The following PCCB variants were observed in gnomAD, a reference collection of about 807,000 sequenced individuals.
The protein encoded by PCCB is propionyl-CoA carboxylase subunit beta.
A neutral mutation model predicts 60.7 loss-of-function variants in PCCB; 43 were observed. The observed-to-expected ratio is 0.71, with a 90% CI of 0.55 to 0.91. PCCB has a LOEUF of 0.91. Ranked by LOEUF, PCCB falls within the 40% of genes least tolerant of loss-of-function variation. The probability of loss-of-function intolerance (pLI) is 0.00; values close to 1 mark genes in which losing one functional copy is unlikely to be tolerated. For missense variants in PCCB, 766 were observed against 702.8 expected, an observed-to-expected ratio of 1.09 and a Z score of -1.02; for synonymous variants, 276 against 255.9, an observed-to-expected ratio of 1.08 and a Z score of -0.75.
At chr3:136,301,161 G>C (rs764504017) in intron 9 of PCCB, 50 bp downstream of exon 9, 23 of 1,439,818 alleles carry the variant, frequency 1.6e-5, no homozygotes, top group Non-Finnish European at 2.2e-5. Context: ...CCACATTCAT[G>C]GGCATTGTGC....
At chr3:136,268,122 G>A (rs560080595) in intron 5 of PCCB, among the ~76,000 whole-genome samples, 1,735 of 73,726 alleles carry the variant, frequency 0.024, 29 homozygotes, top group African/African-American at 0.08. Context: ...ATATATATAT[G>A]TATATATATA....
In PCCB at chr3:136,283,888, C is replaced by T. The variant is rs371155999; in HGVS notation, c.595C>T (p.Pro199Ser). The change falls in exon 6 of 15, where the codon CCA (proline) becomes TCA (serine). Residue 199 changes from proline to serine, a missense_variant. Coordinates refer to ENST00000251654, the MANE Select transcript of PCCB (RefSeq NM_000532.5). ...CCCTCAGATTTCTCTGATCATGGGC[C>T]CATGTGCTGGTGGGGCCGTCTACTC... ...VIPQISLIMGPCAGGAVYSPA... is the reference protein window; with the variant it reads ...VIPQISLIMGSCAGGAVYSPA... The T allele has an allele frequency of 4.9e-4, 786 of 1,613,926 alleles. 8 individuals carry two copies. In the South Asian group the frequency reaches 7.4e-3, roughly 15 times the overall value.
rs117861403 is a variant in PCCB, at chr3:136,276,764, C to T, written c.544-7073C>T. ...GGACCCTTCATGAGCAGCAAAGCTG[C>T]CTGATTGTTGGGGTAGAGCTGCAGA... On this transcript the variant is annotated intron_variant, in intron 5 of 14. Coordinates refer to ENST00000251654, the MANE Select transcript of PCCB (RefSeq NM_000532.5). Among the ~76,000 whole-genome samples, 255 of 152,274 alleles carry T rather than the reference C, an allele frequency of 1.7e-3. 1 individual carries two copies. The East Asian group carries it at 0.018, about 11-fold the overall frequency.
chr3:136,291,400 A>G (rs1411963649), intron 6 of PCCB, among the ~76,000 whole-genome samples: 1 of 152,128 alleles, frequency 6.6e-6, no homozygotes, highest in African/African-American at 2.4e-5. Context: ...GTGTCTTATG[A>G]CTTATTCCTG....
chr3:136,267,633 T>C (rs1326622638), intron 5 of PCCB, among the ~76,000 whole-genome samples: 1 of 152,108 alleles, frequency 6.6e-6, no homozygotes, highest in Admixed American at 6.5e-5. Context: ...CACAGGCACA[T>C]GCTACCACAT....
intron 5 of PCCB, among the ~76,000 whole-genome samples, chr3:136,268,087 GAT>G (rs61160895): frequency 0.26 from 24,757 of 93,558 alleles, 3,735 homozygotes; most frequent in East Asian, 0.62. Context: ...TGTGTGTGTA[GAT>G]ATATATATAT....
At position 136,321,199 on chromosome 3, in the gene PCCB, T is replaced by G. The variant is rs535014745; in HGVS notation, c.1090+4135T>G. Among the ~76,000 whole-genome samples the G allele has an allele frequency of 5.3e-5, 8 of 152,286 alleles. No homozygotes were observed. The East Asian group carries it at 1.5e-3, about 29-fold the overall frequency. On this transcript the variant is annotated intron_variant, in intron 10 of 14. Transcript: ENST00000251654. ...ACAGTGTATAACCTCTTTAAAAAAA[T>G]AGACTTACAGAACAGTTACAGGTTT...
At position 136,298,007 on chromosome 3, in the gene PCCB, T is replaced by G; in HGVS notation, c.819T>G (p.Asp273Glu). Residue 273 changes from aspartate to glutamate, a missense_variant, in exon 8 of 15, where the codon GAT becomes GAG. Transcript: ENST00000251654. ...TTGATGCCTTGTGTAATCTCCGGGA[T>G]TTCTTCAACTACCTGCCCCTGAGCA... ...NDVDALCNLRDFFNYLPLSSQ... is the reference protein window; with the variant it reads ...NDVDALCNLREFFNYLPLSSQ... 10 of 1,614,078 alleles carry G rather than the reference T, an allele frequency of 6.2e-6. No homozygotes were observed. Among genetic ancestry groups the G allele is most frequent in the Non-Finnish European group, 6.8e-6 (8 of 1,179,950 alleles).
intron 6 of PCCB, among the ~76,000 whole-genome samples, chr3:136,285,357 C>T (rs1453640082): frequency 6.6e-6 from 1 of 152,122 alleles, no homozygotes; most frequent in African/African-American, 2.4e-5. Context: ...TTTCTCCTTT[C>T]TCTTTAGTAT....
intron 6 of PCCB, among the ~76,000 whole-genome samples, chr3:136,286,132 C>A (rs1450293387): frequency 6.6e-6 from 1 of 152,164 alleles, no homozygotes; most frequent in Non-Finnish European, 1.5e-5. Context: ...AGGGACATTA[C>A]AGAATTGATA....
chr3:136,327,764 C>G (rs1248150193), intron 13 of PCCB, 32 bp downstream of exon 13: 2 of 1,523,638 alleles, frequency 1.3e-6, no homozygotes, highest in South Asian at 1.1e-5. Flanking sequence ...CTTTCTGGGT[C>G]CAAGGACTCG....
At position 136,277,609 on chromosome 3, in the gene PCCB, G is replaced by T. The variant is rs528627052; in HGVS notation, c.544-6228G>T. On this transcript the variant is annotated intron_variant, in intron 5 of 14. Transcript: ENST00000251654. ...AAAGCCGTGGCTCCTATGAGGGTTG[G>T]GGGGGCGGTTCTCAGGTCATTAGGG... Among the ~76,000 whole-genome samples, 8 of 152,050 alleles carry T rather than the reference G, an allele frequency of 5.3e-5. 1 individual carries two copies. The South Asian group carries it at 1.0e-3, about 20-fold the overall frequency.
chr3:136,294,818 G>A (rs1576335622), intron 7 of PCCB, among the ~76,000 whole-genome samples: 1 of 151,048 alleles, frequency 6.6e-6, no homozygotes, highest in East Asian at 2.0e-4. Context: ...TGGTCTCACT[G>A]TGTTGTCCAG....
chr3:136,257,982 G>A (rs191922462), intron 3 of PCCB, among the ~76,000 whole-genome samples: 4 of 152,072 alleles, frequency 2.6e-5, no homozygotes, highest in South Asian at 2.1e-4. Context: ...AAAATCTGTC[G>A]TAGTTAGTAT....
chr3:136,250,413 G>A lies in PCCB; in HGVS notation c.38G>A (p.Arg13Lys), dbSNP rs1941477030. Residue 13 changes from arginine (R) to lysine (K), a missense_variant, in exon 1 of 15, where the codon AGG becomes AAG. Physicochemically the swap from Arg to Lys is conservative, Grantham distance 26. Transcript: ENST00000251654. Reference sequence around the variant, plus strand: ...TTACGGGTGGCGGCGGTCGGGGCAAGGCTCAGCGTTCTGGCGAGCGGTCTC... The same window carrying A: ...TTACGGGTGGCGGCGGTCGGGGCAAAGCTCAGCGTTCTGGCGAGCGGTCTC... ...AALRVAAVGA[R>K]LSVLASGLRA... 18 of 1,579,174 alleles carry A rather than the reference G, an allele frequency of 1.1e-5. No individual in the cohort carries two copies. The highest frequency in any genetic ancestry group is 1.5e-5 in the Non-Finnish European group (17 of 1,162,210).
intron 6 of PCCB, among the ~76,000 whole-genome samples, chr3:136,287,594 C>T (rs1933477257): frequency 6.6e-6 from 1 of 151,856 alleles, no homozygotes; most frequent in Non-Finnish European, 1.5e-5. Flanking sequence ...CACCACACAC[C>T]CGGCTAATTT....
At chr3:136,250,706 G>C (rs1941491173) in intron 1 of PCCB, 148 bp downstream of exon 1, 3 of 779,366 alleles carry the variant, frequency 3.8e-6, no homozygotes, top group African/African-American at 1.8e-5. Flanking sequence ...AAAACCTGTA[G>C]CGTTTCTCGT....
intron 10 of PCCB, among the ~76,000 whole-genome samples, chr3:136,321,542 G>T (rs899629263): frequency 6.6e-6 from 1 of 152,172 alleles, no homozygotes; most frequent in African/African-American, 2.4e-5. Flanking sequence ...CAGGGGAAAT[G>T]CCAGATGTTT....
intron 9 of PCCB, among the ~76,000 whole-genome samples, chr3:136,315,545 T>C (rs1934856241): frequency 6.6e-6 from 1 of 151,912 alleles, no homozygotes; most frequent in Admixed American, 6.6e-5. Flanking sequence ...AAAAGAAAAT[T>C]GTGAATTGGG....
Sources: gnomAD v4.1 joint callset for allele counts (sites outside exome capture counted in the v4.1 genomes callset) on GRCh38, gnomAD v4.1.1 for gene constraint, MANE v1.5 for transcripts, NCBI Gene and HGNC (gene_info 2026-07-23, HGNC 2026-07-21) for gene names.